EPHA7: variants seen among roughly 807,000 people sequenced by gnomAD.
The protein encoded by EPHA7 is EPH receptor A7.
Under a neutral mutation model 112.6 loss-of-function variants are expected in EPHA7, and 25 were observed. The observed-to-expected ratio is 0.22, with a 90% CI of 0.16 to 0.31. The LOEUF (loss-of-function observed/expected upper bound fraction) is 0.31. Among genes scored for constraint, EPHA7 ranks in the 10% least tolerant of loss-of-function variants. The pLI, the probability that EPHA7 is intolerant of heterozygous loss-of-function variation, is 1.00. For missense variants in EPHA7, 962 were observed against 1,212.6 expected (o/e 0.79, Z 3.07); for synonymous variants, 437 against 406.5 (o/e 1.07, Z -0.90).
intron 5 of EPHA7, among the ~76,000 whole-genome samples, chr6:93,353,406 A>G (rs939156450): frequency 2.0e-5 from 3 of 152,200 alleles, no homozygotes; most frequent in African/African-American, 7.2e-5. Flanking sequence ...TAAGATTTAC[A>G]TAAGAACCTC....
At chr6:93,259,263 T>G in intron 10 of EPHA7, 91 bp downstream of exon 10, 3 of 1,510,768 alleles carry the variant, frequency 2.0e-6, no homozygotes, top group Non-Finnish European at 2.7e-6. Flanking sequence ...GTTCTATACT[T>G]GAGGGATAAT....
intron 5 of EPHA7, among the ~76,000 whole-genome samples, chr6:93,299,999 G>C (rs1425644157): frequency 6.6e-6 from 1 of 152,120 alleles, no homozygotes; most frequent in African/African-American, 2.4e-5. Flanking sequence ...AAGAGGAAGA[G>C]GAACAGAATA....
rs1769766370 is a variant in EPHA7, at chr6:93,243,383, T to C, written c.*43A>G. The C allele has an allele frequency of 6.9e-7, 1 of 1,451,226 alleles. No homozygotes were observed. The highest frequency in any genetic ancestry group is 9.7e-7 in the Non-Finnish European group (1 of 1,033,542). 89.9% of individuals were successfully genotyped at this position (1,451,226 alleles called of 1,614,324 possible). A position where few individuals can be genotyped will look rare whatever the true frequency, so the allele number is the denominator to read the frequency against. On this transcript the variant is annotated 3_prime_UTR_variant, in exon 17 of 17. Transcript: ENST00000369303. The stretch of plus-strand genomic sequence containing the variant: ...TGCATATACTGAAGGCCAGTACTGT[T>C]CTCTTGCAGTCTGTAATCTCCCTTA...
At chr6:93,251,495 T>G (rs1770209649) in intron 14 of EPHA7, among the ~76,000 whole-genome samples, 1 of 138,406 alleles carries the variant, frequency 7.2e-6, no homozygotes, top group Non-Finnish European at 1.6e-5. Context: ...TAAAAATACT[T>G]TTTTCTTATG....
chr6:93,341,388 A>AGT (rs1243211062), intron 5 of EPHA7, among the ~76,000 whole-genome samples: 2 of 151,678 alleles, frequency 1.3e-5, no homozygotes, highest in Non-Finnish European at 3.0e-5. Context: ...ACTTACTTTG[A>AGT]GTGTGCGTGT....
intron 3 of EPHA7, among the ~76,000 whole-genome samples, chr6:93,376,308 T>G (rs1336172396): frequency 6.6e-6 from 1 of 152,044 alleles, no homozygotes; most frequent in Non-Finnish European, 1.5e-5. Context: ...CTGAGCTAAT[T>G]TTTAACATTA....
chr6:93,381,508 C>G (rs1313220794), intron 3 of EPHA7, among the ~76,000 whole-genome samples: 2 of 151,938 alleles, frequency 1.3e-5, no homozygotes, highest in East Asian at 3.9e-4. Flanking sequence ...TTCTATAGAC[C>G]AAATAAGCTG....
chr6:93,374,102 A>C (rs1201171588), intron 3 of EPHA7, among the ~76,000 whole-genome samples: 4 of 151,986 alleles, frequency 2.6e-5, no homozygotes, highest in Non-Finnish European at 5.9e-5. Flanking sequence ...CAGAGCTTTT[A>C]AAAAAAATAT....
At chr6:93,252,870 T>A (rs1251415398) in intron 14 of EPHA7, among the ~76,000 whole-genome samples, 1 of 152,040 alleles carries the variant, frequency 6.6e-6, no homozygotes, top group Non-Finnish European at 1.5e-5. Flanking sequence ...GACATAATTA[T>A]GTCATTTGAC....
At chr6:93,405,850 T>TATATATATATATATATAA (rs1469158388) in intron 3 of EPHA7, among the ~76,000 whole-genome samples, 3 of 121,344 alleles carry the variant, frequency 2.5e-5, no homozygotes, top group South Asian at 2.7e-4. Flanking sequence ...TATATATATA[T>TATATATATATATATATAA]AAATGATTAT....
intron 5 of EPHA7, among the ~76,000 whole-genome samples, chr6:93,277,096 A>T (rs1312611761): frequency 1.3e-5 from 2 of 152,050 alleles, no homozygotes; most frequent in Non-Finnish European, 2.9e-5. Flanking sequence ...TAATAGTAGA[A>T]TGATGCTCTT....
intron 5 of EPHA7, among the ~76,000 whole-genome samples, chr6:93,336,028 G>A (rs1292661088): frequency 6.6e-6 from 1 of 152,050 alleles, no homozygotes. Flanking sequence ...ATTGGATAAT[G>A]TTTCATTATA....
intron 5 of EPHA7, among the ~76,000 whole-genome samples, chr6:93,343,645 A>C (rs1231856872): frequency 1.3e-5 from 2 of 151,734 alleles, no homozygotes; most frequent in African/African-American, 4.8e-5. Context: ...ACTATAAAGT[A>C]AACTGTTCAT....
intron 5 of EPHA7, among the ~76,000 whole-genome samples, chr6:93,299,081 C>T (rs1296903136): frequency 6.6e-6 from 1 of 151,554 alleles, no homozygotes. Context: ...AATCCCAGCA[C>T]TTTGGGAGGC....
At chr6:93,349,507 T>A (rs1370316028) in intron 5 of EPHA7, among the ~76,000 whole-genome samples, 1 of 151,896 alleles carries the variant, frequency 6.6e-6, no homozygotes, top group East Asian at 1.9e-4. Flanking sequence ...GGCATAGGTG[T>A]ACATATGAAT....
At chr6:93,312,386 T>A (rs916846355) in intron 5 of EPHA7, among the ~76,000 whole-genome samples, 1 of 145,684 alleles carries the variant, frequency 6.9e-6, no homozygotes, top group Middle Eastern at 3.5e-3. Context: ...TCTTGCACTT[T>A]CATGTTATGG....
At chr6:93,267,346 A>G (rs928868270) in intron 7 of EPHA7, among the ~76,000 whole-genome samples, 2 of 151,728 alleles carry the variant, frequency 1.3e-5, no homozygotes, top group African/African-American at 4.8e-5. Context: ...ATTGAGTACT[A>G]CTATACTAGA....
At chr6:93,261,048 C>G (rs1184146154) in intron 9 of EPHA7, among the ~76,000 whole-genome samples, 1 of 151,476 alleles carries the variant, frequency 6.6e-6, no homozygotes, top group East Asian at 1.9e-4. Flanking sequence ...TCTGATGGTT[C>G]TTTATTCAAG....
intron 3 of EPHA7, among the ~76,000 whole-genome samples, chr6:93,371,811 A>C (rs1776813544): frequency 6.6e-6 from 1 of 152,152 alleles, no homozygotes; most frequent in Non-Finnish European, 1.5e-5. Context: ...TCATCCCAAA[A>C]CCTGACTAAA....
Sources: allele counts gnomAD v4.1 joint callset (sites outside exome capture counted in the v4.1 genomes callset), GRCh38; gene constraint gnomAD v4.1.1; transcripts MANE v1.5; gene names NCBI Gene and HGNC (gene_info 2026-07-23, HGNC 2026-07-21).